The following TADA1 variants were observed in gnomAD, a reference collection of about 807,000 sequenced individuals.
TADA1 encodes transcriptional adaptor 1, also known as transcriptional adapter 1.
A neutral mutation model predicts 39.3 loss-of-function variants in TADA1; 23 were observed. The observed-to-expected ratio is 0.58, with a 90% CI of 0.42 to 0.83. The LOEUF (loss-of-function observed/expected upper bound fraction) is 0.83. TADA1 is among the 40% of genes least tolerant of loss of function. The pLI is 0.00. For synonymous variants in TADA1, 137 were observed against 151.8 expected, an observed-to-expected ratio of 0.90 and a Z score of 0.72; for missense variants, 352 against 408.1, an observed-to-expected ratio of 0.86 and a Z score of 1.18.
At chr1:166,871,648 C>T (rs778325894) in intron 1 of TADA1, among the ~76,000 whole-genome samples, 8 of 152,122 alleles carry the variant, frequency 5.3e-5, no homozygotes, top group Non-Finnish European at 8.8e-5. Flanking sequence ...ACACATGCAG[C>T]TCTAGAGCTT....
At chr1:166,867,385 A>T in intron 3 of TADA1, among the ~76,000 whole-genome samples, 1 of 152,214 alleles carries the variant, frequency 6.6e-6, no homozygotes, top group Non-Finnish European at 1.5e-5. Flanking sequence ...AGGAATGGCT[A>T]AAGTCTACTT....
chr1:166,867,321 C>T (rs1658560400), intron 3 of TADA1, among the ~76,000 whole-genome samples: 1 of 152,124 alleles, frequency 6.6e-6, no homozygotes, highest in Non-Finnish European at 1.5e-5. Context: ...CTTTTCTGAT[C>T]AAATTAAATT....
Position 166,856,602 on chromosome 1 carries a change from C to T in TADA1, c.*965G>A, listed in dbSNP as rs995336448. ...AACCATATATACATATCTATACAAC[C>T]ATTATTTAGACTTTCACAAACCTAT... is the stretch of plus-strand genomic sequence containing the variant. On this transcript the variant is annotated 3_prime_UTR_variant, in exon 8 of 8. Transcript: ENST00000367874. 2.6e-5 allele frequency: 4 copies of T among 152,544 alleles called. No individual in the cohort carries two copies. Among genetic ancestry groups the T allele is most frequent in the African/African-American group, 9.7e-5 (4 of 41,428 alleles). 9.4% of individuals were successfully genotyped at this position (152,544 alleles called of 1,614,324 possible). A position where few individuals can be genotyped will look rare whatever the true frequency, so the allele number is the denominator to read the frequency against.
At chr1:166,861,373 T>A (rs1047276521) in intron 5 of TADA1, among the ~76,000 whole-genome samples, 2 of 152,226 alleles carry the variant, frequency 1.3e-5, no homozygotes, top group African/African-American at 4.8e-5. Flanking sequence ...CTGTTATTAT[T>A]TTTGAAGTAC....
At chr1:166,872,409 T>G (rs970288562) in intron 1 of TADA1, among the ~76,000 whole-genome samples, 9 of 152,142 alleles carry the variant, frequency 5.9e-5, no homozygotes, top group African/African-American at 2.2e-4. Flanking sequence ...CGGTGGCTCA[T>G]GCCTATAATC....
At chr1:166,874,257 T>C (rs546453908) in intron 1 of TADA1, among the ~76,000 whole-genome samples, 4 of 151,702 alleles carry the variant, frequency 2.6e-5, no homozygotes, top group African/African-American at 7.3e-5. Context: ...AGAGAAGTGC[T>C]TGAACCCAGG....
At chr1:166,870,608 G>A (rs1282931681) in intron 1 of TADA1, among the ~76,000 whole-genome samples, 8 of 152,276 alleles carry the variant, frequency 5.3e-5, no homozygotes, top group Admixed American at 3.9e-4. Context: ...CAGGCAGACC[G>A]CTTGAACCCA....
rs756833152 is a variant in TADA1 at position 166,858,119 on chromosome 1, C to T, written c.855G>A (p.Gln285=). ...TAAACTTTAAGGAGCCAAGACTTAC[C>T]TGCAAAGCTTCAAAAAGATCGTACA... ...VNMYDLFEAL[Q]VHREVIPTHT... is the part of the protein sequence containing the mutation. Residue 285 remains glutamine (Q), a splice_region_variant and synonymous_variant, in exon 7 of 8, where the codon CAG becomes CAA. Coordinates refer to ENST00000367874, the MANE Select transcript of TADA1 (RefSeq NM_053053.4). 1.9e-6 allele frequency: 3 copies of T among 1,614,124 alleles called. No individual in the cohort carries two copies. Among genetic ancestry groups the T allele is most frequent in the South Asian group, 1.1e-5 (1 of 91,072 alleles).
chr1:166,871,954 A>C (rs966609084), intron 1 of TADA1, among the ~76,000 whole-genome samples: 3 of 152,194 alleles, frequency 2.0e-5, no homozygotes, highest in African/African-American at 4.8e-5. Context: ...TTCCAGAACT[A>C]AAACAAGGCT....
chr1:166,859,139 G>C (rs1026395594), intron 6 of TADA1, among the ~76,000 whole-genome samples: 2 of 152,194 alleles, frequency 1.3e-5, no homozygotes, highest in Non-Finnish European at 2.9e-5. Flanking sequence ...ATTTAAGATG[G>C]GTTAAAATAG....
rs201367527 is a variant in TADA1, at chr1:166,865,856, G to GA, written c.233-1936dup. Among the ~76,000 whole-genome samples the GA allele has an allele frequency of 6.9e-3, 1,042 of 151,092 alleles. 3 individuals are homozygous for GA. Among genetic ancestry groups the GA allele is most frequent in the African/African-American group, 0.018 (748 of 41,192 alleles). On this transcript the variant is annotated intron_variant, in intron 3 of 7. Transcript: ENST00000367874. ...AAAACTCAAAAAAATTTTTAAGAAA[G>GA]AAAAAATCACCCATAATCATAGTAA...
chr1:166,865,505 T>A (rs1364792377), intron 3 of TADA1, among the ~76,000 whole-genome samples: 1 of 151,342 alleles, frequency 6.6e-6, no homozygotes, highest in Non-Finnish European at 1.5e-5. Flanking sequence ...ACAACCTCAC[T>A]ACAGTACACT....
At chr1:166,859,488 C>T (rs1394874507) in intron 6 of TADA1, among the ~76,000 whole-genome samples, 3 of 151,962 alleles carry the variant, frequency 2.0e-5, no homozygotes, top group African/African-American at 7.3e-5. Context: ...GCTTAAAATT[C>T]AGACTAAATT....
intron 6 of TADA1, among the ~76,000 whole-genome samples, chr1:166,858,742 G>C (rs2101785526): frequency 6.6e-6 from 1 of 152,348 alleles, no homozygotes; most frequent in African/African-American, 2.4e-5. Flanking sequence ...AAACTGAGAA[G>C]TCAGACATAG....
intron 2 of TADA1, 81 bp downstream of exon 2, chr1:166,869,682 T>G (rs1465788505): frequency 3.3e-6 from 5 of 1,524,986 alleles, no homozygotes; most frequent in Non-Finnish European, 4.5e-6. Context: ...AAAATTTTAC[T>G]TTTTAAAAAG....
chr1:166,857,723 G>A lies in TADA1; in HGVS notation c.856-4C>T. 4 of 1,606,962 alleles carry A rather than the reference G, an allele frequency of 2.5e-6. No individual in the cohort carries two copies. Among genetic ancestry groups the A allele is most frequent in the Non-Finnish European group, 3.4e-6 (4 of 1,176,416 alleles). ...TAGGGATGACTTCCCTGTGCACCTG[G>A]GATTAAAAAATTAACGCATGTCCAA... On this transcript the variant is annotated splice_polypyrimidine_tract_variant and splice_region_variant and intron_variant, in intron 7 of 7. Transcript: ENST00000367874.
In TADA1 at chr1:166,876,248, C is replaced by G. The variant is rs1167796692; in HGVS notation, c.-15G>C. 6.2e-7 allele frequency: 1 copy of G among 1,611,810 alleles called. No homozygotes were observed. The highest frequency in any genetic ancestry group is 1.3e-5 in the African/African-American group (1 of 74,888). On this transcript the variant is annotated 5_prime_UTR_variant, in exon 1 of 8. Coordinates refer to ENST00000367874, the MANE Select transcript of TADA1 (RefSeq NM_053053.4). Reference sequence around the variant, plus strand: ...AAGGTCGCCATTGCTCCGCGTGTCTCAGCCCGACCGCAGACCGCCCGGCCA... The same window carrying G: ...AAGGTCGCCATTGCTCCGCGTGTCTGAGCCCGACCGCAGACCGCCCGGCCA...
At chr1:166,862,547 A>G in intron 4 of TADA1, 135 bp from the exon 5 acceptor site, 1 of 660,928 alleles carries the variant, frequency 1.5e-6, no homozygotes, top group Non-Finnish European at 2.6e-6. Context: ...GGGAAAAAAG[A>G]GTTAATTCAT....
chr1:166,868,304 C>T (rs1010959961), intron 3 of TADA1, among the ~76,000 whole-genome samples: 1 of 152,194 alleles, frequency 6.6e-6, no homozygotes, highest in African/African-American at 2.4e-5. Context: ...ATGCTACTAT[C>T]CCCTACCTCT....
Sources: gnomAD v4.1 joint callset for allele counts (sites outside exome capture counted in the v4.1 genomes callset) on GRCh38, gnomAD v4.1.1 for gene constraint, MANE v1.5 for transcripts, NCBI Gene and HGNC (gene_info 2026-07-23, HGNC 2026-07-21) for gene names.